The following NAALADL2 variants were observed in gnomAD, a reference collection of about 807,000 sequenced individuals.
The protein encoded by NAALADL2 is inactive N-acetylated-alpha-linked acidic dipeptidase-like protein 2.
NAALADL2 carries 76 observed loss-of-function variants against 87.2 expected under a neutral mutation model. That is an observed-to-expected ratio of 0.87 (90% confidence interval 0.72 to 1.05). The LOEUF is 1.05. NAALADL2 is among the 50% of genes least tolerant of loss of function. NAALADL2 has a pLI of 0.00. For missense variants in NAALADL2, 1,089 were observed against 945.8 expected (o/e 1.15, Z -1.99); for synonymous variants, 354 against 331.0 (o/e 1.07, Z -0.75).
chr3:174,538,406 T>A (rs1178560472), intron 1 of NAALADL2, among the ~76,000 whole-genome samples: 3 of 152,060 alleles, frequency 2.0e-5, no homozygotes, highest in Admixed American at 6.6e-5. Context: ...AGCAGAGAAC[T>A]CGAGACTGAC....
chr3:175,032,041 A>G (rs968829249), intron 1 of NAALADL2, among the ~76,000 whole-genome samples: 1 of 152,052 alleles, frequency 6.6e-6, no homozygotes, highest in Admixed American at 6.6e-5. Context: ...TAGTTTGCAA[A>G]CATTTCTCCC....
intron 1 of NAALADL2, among the ~76,000 whole-genome samples, chr3:174,927,700 T>C (rs1325526493): frequency 6.6e-6 from 1 of 152,154 alleles, no homozygotes; most frequent in Non-Finnish European, 1.5e-5. Flanking sequence ...CTGGGACACA[T>C]TTAAAGCAGT....
intron 12 of NAALADL2, among the ~76,000 whole-genome samples, chr3:175,744,805 A>G (rs984906773): frequency 4.6e-5 from 7 of 152,242 alleles, no homozygotes; most frequent in Non-Finnish European, 8.8e-5. Flanking sequence ...TTTAGCTACA[A>G]TGCTAGATAA....
At chr3:174,557,638 G>A (rs1398739639) in intron 2 of NAALADL2, among the ~76,000 whole-genome samples, 1 of 152,030 alleles carries the variant, frequency 6.6e-6, no homozygotes, top group African/African-American at 2.4e-5. Context: ...AGTTACTACT[G>A]TTCCTAGCTG....
At chr3:174,943,608 T>C (rs1323673002) in intron 1 of NAALADL2, among the ~76,000 whole-genome samples, 1 of 152,096 alleles carries the variant, frequency 6.6e-6, no homozygotes, top group Non-Finnish European at 1.5e-5. Context: ...GGCCAAGAGT[T>C]TTTGCTTGTC....
At chr3:175,221,218 A>AT (rs1553819218) in intron 2 of NAALADL2, among the ~76,000 whole-genome samples, 11 of 107,752 alleles carry the variant, frequency 1.0e-4, no homozygotes, top group East Asian at 8.1e-4. Flanking sequence ...AAAAAAAAAG[A>AT]TTTTTTAGTA....
intron 9 of NAALADL2, among the ~76,000 whole-genome samples, chr3:175,565,082 A>G (rs759858212): frequency 2.6e-5 from 4 of 152,224 alleles, no homozygotes; most frequent in Admixed American, 2.0e-4. Context: ...CGCTTTTTCT[A>G]TAAGTTGAGG....
intron 2 of NAALADL2, among the ~76,000 whole-genome samples, chr3:174,650,217 G>C (rs965050367): frequency 2.6e-5 from 4 of 152,064 alleles, no homozygotes; most frequent in African/African-American, 9.7e-5. Context: ...ACCTACTTGT[G>C]TGTGTATCTT....
chr3:175,153,634 A>T (rs768198599), intron 2 of NAALADL2, among the ~76,000 whole-genome samples: 2 of 152,200 alleles, frequency 1.3e-5, no homozygotes, highest in Non-Finnish European at 2.9e-5. Flanking sequence ...GTTTAAACAG[A>T]ATTTTATGCT....
chr3:175,325,494 G>C (rs1167230601), intron 5 of NAALADL2, among the ~76,000 whole-genome samples: 1 of 152,166 alleles, frequency 6.6e-6, no homozygotes. Context: ...AGACCAGTCA[G>C]CTCTCTCATT....
At chr3:175,043,636 A>G (rs1336977553) in intron 1 of NAALADL2, among the ~76,000 whole-genome samples, 3 of 152,156 alleles carry the variant, frequency 2.0e-5, no homozygotes, top group Non-Finnish European at 2.9e-5. Context: ...TGAAGAGGCT[A>G]TCATTTCCAC....
intron 2 of NAALADL2, among the ~76,000 whole-genome samples, chr3:175,230,255 A>C (rs140190844): frequency 6.6e-6 from 1 of 152,086 alleles, no homozygotes; most frequent in Non-Finnish European, 1.5e-5. Flanking sequence ...TGACCACAGC[A>C]TTGAGGATTT....
intron 11 of NAALADL2, among the ~76,000 whole-genome samples, chr3:175,727,821 C>G (rs1377352715): frequency 1.3e-5 from 2 of 152,242 alleles, no homozygotes; most frequent in African/African-American, 4.8e-5. Context: ...AATTTTTCTG[C>G]AGAAGAAACC....
At chr3:174,831,824 G>A (rs1053828773) in intron 3 of NAALADL2, among the ~76,000 whole-genome samples, 3 of 150,380 alleles carry the variant, frequency 2.0e-5, no homozygotes, top group African/African-American at 7.3e-5. Context: ...ACTTCTTCCT[G>A]GTTTAGTCTT....
In NAALADL2 at chr3:174,594,565, A is replaced by G. The variant is rs146162248; in HGVS notation, c.-115+43928A>G. Among the ~76,000 whole-genome samples, 140 of 152,298 alleles carry G rather than the reference A, an allele frequency of 9.2e-4. 1 individual carries two copies. The highest frequency in any genetic ancestry group is 1.4e-3 in the Non-Finnish European group (95 of 68,026). The stretch of plus-strand genomic sequence containing the variant: ...TCCAGTGCCCAATTTTCCTCAATTG[A>G]GTTGCGGCTCTGAGTGCTCTTATGC... On this transcript the variant is annotated intron_variant, in intron 2 of 3. Coordinates refer to the NAALADL2 transcript ENST00000434257.
chr3:174,548,915 C>A (rs1711745369), intron 1 of NAALADL2, among the ~76,000 whole-genome samples: 1 of 152,206 alleles, frequency 6.6e-6, no homozygotes, highest in African/African-American at 2.4e-5. Flanking sequence ...TCACAGCTCA[C>A]TGCAGCCCCA....
chr3:175,073,102 G>T (rs944626128), intron 1 of NAALADL2, among the ~76,000 whole-genome samples: 2 of 151,978 alleles, frequency 1.3e-5, no homozygotes, highest in African/African-American at 2.4e-5. Flanking sequence ...TTGGCACTCA[G>T]TGATGTTTTA....
intron 4 of NAALADL2, among the ~76,000 whole-genome samples, chr3:175,288,430 C>G (rs1416492605): frequency 6.6e-6 from 1 of 152,172 alleles, no homozygotes. Context: ...CTAGGTACCC[C>G]ATAGCCCAGT....
At chr3:175,729,283 A>C (rs1743350306) in intron 11 of NAALADL2, among the ~76,000 whole-genome samples, 1 of 152,148 alleles carries the variant, frequency 6.6e-6, no homozygotes, top group African/African-American at 2.4e-5. Context: ...ATGATCACAC[A>C]ATAAAGGATC....
Sources: allele counts gnomAD v4.1 joint callset (sites outside exome capture counted in the v4.1 genomes callset), GRCh38; gene constraint gnomAD v4.1.1; transcripts MANE v1.5; gene names NCBI Gene and HGNC (gene_info 2026-07-23, HGNC 2026-07-21).